SPAG16: variants seen among roughly 807,000 people sequenced by gnomAD.
SPAG16 encodes sperm associated antigen 16, also known as sperm-associated antigen 16 protein.
In SPAG16, 86 loss-of-function variants were observed where a neutral mutation model predicts 80.4. That is an observed-to-expected ratio of 1.07 (90% CI 0.90 to 1.28). The LOEUF (loss-of-function observed/expected upper bound fraction) is 1.28, where lower values mean the gene tolerates loss of function less well. Among genes scored for constraint, SPAG16 ranks in the 50% most tolerant of loss-of-function variants. The pLI, the probability that SPAG16 is intolerant of heterozygous loss-of-function variation, is 0.00. For synonymous variants in SPAG16, 294 were observed against 265.9 expected (o/e 1.11, Z -1.03); for missense variants, 870 against 765.3 (o/e 1.14, Z -1.61).
chr2:214,132,024 T>A (rs187613695), intron 14 of SPAG16, among the ~76,000 whole-genome samples: 1 of 152,212 alleles, frequency 6.6e-6, no homozygotes, highest in African/African-American at 2.4e-5. Flanking sequence ...TGAGATGCTA[T>A]GCATGTGTAG....
intron 10 of SPAG16, among the ~76,000 whole-genome samples, chr2:213,717,155 CATTTT>C (rs1559404317): frequency 2.2e-5 from 3 of 139,166 alleles, no homozygotes; most frequent in Non-Finnish European, 3.2e-5. Context: ...AGAAACTTTT[CATTTT>C]TTTTTTTTTT....
chr2:213,434,254 T>G (rs767852477), intron 9 of SPAG16, among the ~76,000 whole-genome samples: 4 of 151,992 alleles, frequency 2.6e-5, no homozygotes, highest in African/African-American at 7.3e-5. Flanking sequence ...GCTGGGAAAA[T>G]TGGATAGCCG....
intron 5 of SPAG16, among the ~76,000 whole-genome samples, chr2:213,339,875 T>C (rs955426325): frequency 2.6e-5 from 4 of 152,192 alleles, no homozygotes; most frequent in African/African-American, 7.2e-5. Flanking sequence ...AGATGGTTTA[T>C]ACTTTGGACA....
At chr2:214,140,403 C>T (rs922909005) in intron 14 of SPAG16, among the ~76,000 whole-genome samples, 1 of 151,952 alleles carries the variant, frequency 6.6e-6, no homozygotes, top group South Asian at 2.1e-4. Flanking sequence ...TTATCACATA[C>T]TTCACATATA....
At chr2:213,881,911 A>G (rs1182779844) in intron 11 of SPAG16, among the ~76,000 whole-genome samples, 3 of 152,176 alleles carry the variant, frequency 2.0e-5, no homozygotes, top group Non-Finnish European at 4.4e-5. Context: ...GTCATATTCC[A>G]GTTCTCAAGG....
intron 9 of SPAG16, among the ~76,000 whole-genome samples, chr2:213,390,969 T>A (rs2130056): frequency 0.29 from 44,662 of 152,092 alleles, 7,033 homozygotes; most frequent in African/African-American, 0.34. Flanking sequence ...TAATTCCTTT[T>A]GATCTTTAGA....
intron 15 of SPAG16, among the ~76,000 whole-genome samples, chr2:214,171,005 T>C (rs2056851097): frequency 6.6e-6 from 1 of 152,020 alleles, no homozygotes; most frequent in African/African-American, 2.4e-5. Flanking sequence ...GATGGATAAA[T>C]ACAAATGGGT....
intron 15 of SPAG16, among the ~76,000 whole-genome samples, chr2:214,333,478 C>T (rs1327304912): frequency 6.6e-6 from 1 of 152,204 alleles, no homozygotes; most frequent in Non-Finnish European, 1.5e-5. Context: ...CGATCATCCT[C>T]CTTGCTTACT....
chr2:213,830,803 A>T (rs563722199), intron 10 of SPAG16, among the ~76,000 whole-genome samples: 2 of 152,050 alleles, frequency 1.3e-5, no homozygotes, highest in Non-Finnish European at 1.5e-5. Context: ...AATTTCCCAA[A>T]TCTGAATTCT....
chr2:213,407,882 G>T (rs2068735192), intron 9 of SPAG16, among the ~76,000 whole-genome samples: 1 of 77,068 alleles, frequency 1.3e-5, no homozygotes, highest in African/African-American at 3.7e-5. Context: ...GAGGAGAGAG[G>T]CAGAGAGAGA....
intron 10 of SPAG16, among the ~76,000 whole-genome samples, chr2:213,688,079 A>G (rs1442953291): frequency 6.6e-6 from 1 of 152,210 alleles, no homozygotes; most frequent in Non-Finnish European, 1.5e-5. Context: ...GGTTTGGTCC[A>G]GAAAGGTGGG....
chr2:213,579,350 G>A (rs1248485783), intron 10 of SPAG16, among the ~76,000 whole-genome samples: 2 of 152,108 alleles, frequency 1.3e-5, no homozygotes, highest in East Asian at 3.8e-4. Context: ...GATAGGGTGT[G>A]TGTCTTCAGG....
intron 10 of SPAG16, among the ~76,000 whole-genome samples, chr2:213,507,322 A>G (rs2075006932): frequency 6.6e-6 from 1 of 152,232 alleles, no homozygotes; most frequent in Admixed American, 6.5e-5. Flanking sequence ...CTGTTCTTGT[A>G]CTATTTAGTA....
At chr2:214,126,458 G>A (rs971440727) in intron 14 of SPAG16, among the ~76,000 whole-genome samples, 1 of 151,552 alleles carries the variant, frequency 6.6e-6, no homozygotes, top group African/African-American at 2.4e-5. Context: ...GCCAGGCCTG[G>A]TTTATGGTCA....
intron 1 of SPAG16, 29 bp downstream of exon 1, chr2:213,284,648 T>G (rs776745853): frequency 2.6e-5 from 42 of 1,597,028 alleles, no homozygotes; most frequent in Non-Finnish European, 3.3e-5. Flanking sequence ...CGCGGCCCGC[T>G]GCGCTGGCGG....
chr2:213,514,470 A>ATT (rs201494300), intron 10 of SPAG16, among the ~76,000 whole-genome samples: 1 of 151,416 alleles, frequency 6.6e-6, no homozygotes, highest in African/African-American at 2.4e-5. Context: ...TTGTCGGCAT[A>ATT]TTTTTTTTTA....
At chr2:213,789,725 T>C (rs1439399525) in intron 10 of SPAG16, among the ~76,000 whole-genome samples, 1 of 151,938 alleles carries the variant, frequency 6.6e-6, no homozygotes, top group Non-Finnish European at 1.5e-5. Flanking sequence ...GTCCGTAAGC[T>C]CTATGATGCT....
chr2:214,292,535 T>G (rs987749865), intron 15 of SPAG16, among the ~76,000 whole-genome samples: 3 of 152,178 alleles, frequency 2.0e-5, no homozygotes, highest in Middle Eastern at 3.2e-3. Context: ...TCGGAAAATT[T>G]CTCATTCATA....
chr2:213,736,071 C>G (rs937008301), intron 10 of SPAG16, among the ~76,000 whole-genome samples: 2 of 151,888 alleles, frequency 1.3e-5, no homozygotes, highest in Non-Finnish European at 2.9e-5. Context: ...AATTTAAAAC[C>G]CATTTGTTTC....
Sources: gnomAD v4.1 joint callset for allele counts (sites outside exome capture counted in the v4.1 genomes callset) on GRCh38, gnomAD v4.1.1 for gene constraint, MANE v1.5 for transcripts, NCBI Gene and HGNC (gene_info 2026-07-23, HGNC 2026-07-21) for gene names.